The following ELFN1 variants were observed in gnomAD, a reference collection of about 807,000 sequenced individuals.
ELFN1 encodes the protein protein ELFN1.
Under a neutral mutation model 7.6 loss-of-function variants are expected in ELFN1, and 6 were observed. The observed-to-expected ratio is 0.79, with a 90% confidence interval of 0.43 to 1.56. The LOEUF is 1.56. Ranked by LOEUF, ELFN1 falls within the 40% of genes most tolerant of loss-of-function variation. The pLI is 0.01. For missense variants in ELFN1, 1,169 were observed against 1,232.2 expected, an observed-to-expected ratio of 0.95 and a Z score of 0.77; for synonymous variants, 657 against 588.1, an observed-to-expected ratio of 1.12 and a Z score of -1.70.
At chr7:1,682,355 A>C (rs1332911202) in intron 1 of ELFN1, among the ~76,000 whole-genome samples, 1 of 152,166 alleles carries the variant, frequency 6.6e-6, no homozygotes, top group Admixed American at 6.5e-5. Flanking sequence ...TCTGCACTAC[A>C]TCTTATTGGA....
chr7:1,696,797 C>A (rs555297697), intron 2 of ELFN1, among the ~76,000 whole-genome samples: 4 of 152,232 alleles, frequency 2.6e-5, no homozygotes, highest in Admixed American at 1.3e-4. Context: ...CCGCTGCCTC[C>A]TCTCATCAGC....
intron 3 of ELFN1, among the ~76,000 whole-genome samples, chr7:1,725,958 C>T (rs1229117829): frequency 7.0e-6 from 1 of 143,478 alleles, no homozygotes; most frequent in Non-Finnish European, 1.5e-5. Context: ...GCACAAAAGT[C>T]ACACAATACA....
intron 1 of ELFN1, among the ~76,000 whole-genome samples, chr7:1,683,737 A>G (rs1008787052): frequency 1.3e-5 from 2 of 152,146 alleles, no homozygotes; most frequent in Non-Finnish European, 2.9e-5. Flanking sequence ...TGTTATGAGG[A>G]TATTTATTTA....
rs543684930 is a variant in ELFN1 at position 1,720,821 on chromosome 7, C to T, written c.-294+11569C>T. 7.7e-5 allele frequency among the ~76,000 whole-genome samples: 11 copies of T among 143,550 alleles called. No homozygotes were observed. In the South Asian group the frequency reaches 1.3e-3, roughly 18 times the overall value. 94.2% of individuals were successfully genotyped at this position (143,550 alleles called of 152,430 possible). ...GTAACATAGAACATCACTGTATTATCGTCTGAAGTAACGATTACTAAATAG... is the reference window on the plus strand; with the variant it reads ...GTAACATAGAACATCACTGTATTATTGTCTGAAGTAACGATTACTAAATAG... On this transcript the variant is annotated intron_variant, in intron 3 of 3. Transcript: ENST00000424383.
intron 2 of ELFN1, among the ~76,000 whole-genome samples, chr7:1,704,092 GC>G (rs1779481741): frequency 6.6e-6 from 1 of 152,228 alleles, no homozygotes; most frequent in African/African-American, 2.4e-5. Flanking sequence ...GGATGGTTCT[GC>G]AAGTCAGCCC....
intron 2 of ELFN1, among the ~76,000 whole-genome samples, chr7:1,703,346 T>G (rs1471262500): frequency 6.6e-6 from 1 of 152,238 alleles, no homozygotes; most frequent in Non-Finnish European, 1.5e-5. Context: ...GCTTTTAATT[T>G]GGGTTACTTT....
Position 1,746,498 on chromosome 7 carries a change from G to A in ELFN1, c.1902G>A (p.Gly634=). The A allele has an allele frequency of 2.0e-6, 3 of 1,490,516 alleles. No homozygotes were observed. The highest frequency in any genetic ancestry group is 1.3e-5 in the South Asian group (1 of 77,744). The allele number at this position is 1,490,516 out of a possible 1,614,324, so 92.3% of individuals were successfully genotyped here. The change falls in exon 4 of 4, where the codon GGG becomes GGA. Residue 634 remains glycine, a synonymous_variant. Coordinates refer to ENST00000424383, the MANE Select transcript of ELFN1 (RefSeq NM_001128636.4). The part of the protein sequence containing the change: ...LQRHHSVEAA[G]PPRASTSSSG... ...GGCACCACAGCGTGGAGGCCGCCGG[G>A]CCCCCTCGTGCCAGCACCTCGTCCA...
At chr7:1,681,552 C>A (rs1462864558) in intron 1 of ELFN1, among the ~76,000 whole-genome samples, 1 of 152,156 alleles carries the variant, frequency 6.6e-6, no homozygotes, top group Non-Finnish European at 1.5e-5. Context: ...TTAGTAGAGA[C>A]TGGGTCTCGC....
chr7:1,700,746 C>T lies in ELFN1; in HGVS notation c.-455-8345C>T, dbSNP rs528725011. Among the ~76,000 whole-genome samples the T allele has an allele frequency of 5.9e-5, 9 of 152,338 alleles. No individual in the cohort carries two copies. The South Asian group carries it at 1.7e-3, about 28-fold the overall frequency. On this transcript the variant is annotated intron_variant, in intron 2 of 3. Coordinates refer to ENST00000424383, the MANE Select transcript of ELFN1 (RefSeq NM_001128636.4). ...ACAGCGGACGAGAGTTCCCGTTGCT[C>T]CACATCCTCCTTCCCCAGCGCCAGA... is the stretch of plus-strand genomic sequence containing the variant.
Position 1,695,139 on chromosome 7 carries a change from G to T in ELFN1, c.-456+6989G>T, listed in dbSNP as rs1779273963. Among the ~76,000 whole-genome samples the T allele has an allele frequency of 6.6e-6, 1 of 152,240 alleles. No homozygotes were observed. The highest frequency in any genetic ancestry group is 6.5e-5 in the Admixed American group (1 of 15,288). ...GGCCGACAGGCACATGGTGGGACCT[G>T]CTCTGTGGCTCCAGAGCTCATGCGC... On this transcript the variant is annotated intron_variant, in intron 2 of 3. Transcript: ENST00000424383. The surrounding 1 kb of genome is among the most constrained non-coding windows in gnomAD (Gnocchi z 5.1).
At chr7:1,734,451 G>T (rs1369128058) in intron 3 of ELFN1, among the ~76,000 whole-genome samples, 2 of 152,222 alleles carry the variant, frequency 1.3e-5, no homozygotes, top group Admixed American at 1.3e-4. Flanking sequence ...AGCAGCCCGG[G>T]GCTGCGAGCC....
Position 1,745,570 on chromosome 7 carries a change from C to G in ELFN1, c.974C>G (p.Thr325Ser). ...CCCCTCATCAAGGTCAAGCAGCTCA[C>G]TCAGAACTCGGCCACCATCACCGTC... ...ARPLIKVKQL[T>S]QNSATITVQL... is the part of the protein sequence containing the mutation. Residue 325 changes from threonine to serine, a missense_variant, in exon 4 of 4, where the codon ACT becomes AGT. Physicochemically the swap from Thr to Ser is moderately conservative, Grantham distance 58 (BLOSUM62 1). Transcript: ENST00000424383. 1 of 1,550,512 alleles carries G rather than the reference C, an allele frequency of 6.4e-7. No homozygotes were observed. Among genetic ancestry groups the G allele is most frequent in the Non-Finnish European group, 8.7e-7 (1 of 1,146,950 alleles).
upstream of ELFN1, among the ~76,000 whole-genome samples, chr7:1,667,845 C>T (rs1355179991): frequency 1.3e-5 from 2 of 151,816 alleles, no homozygotes; most frequent in Non-Finnish European, 2.9e-5. This position sits in a 1 kb window ranked among gnomAD's most constrained non-coding sequence, Gnocchi z 8.2. Context: ...GTCCTCGCGG[C>T]GGCGGCGCCG....
At position 1,745,880 on chromosome 7, in the gene ELFN1, C is replaced by G. The variant is rs746891715; in HGVS notation, c.1284C>G (p.Gly428=). The G allele has an allele frequency of 4.4e-6, 7 of 1,592,472 alleles. No individual in the cohort carries two copies. Among genetic ancestry groups the G allele is most frequent in the Non-Finnish European group, 6.0e-6 (7 of 1,170,858 alleles). ...YIMTILGCLF[G]MVLVLGAVYY... The stretch of plus-strand genomic sequence containing the variant: ...TGACCATCCTGGGCTGCCTCTTCGG[C>G]ATGGTGCTGGTGCTGGGCGCCGTCT... The change falls in exon 4 of 4, where the codon GGC becomes GGG. Residue 428 remains glycine, a synonymous_variant. Transcript: ENST00000424383.
At chr7:1,721,279 G>T (rs1487993346) in intron 3 of ELFN1, among the ~76,000 whole-genome samples, 1 of 152,174 alleles carries the variant, frequency 6.6e-6, no homozygotes, top group East Asian at 1.9e-4. Context: ...GAGCTACAGG[G>T]GTGTCACCTT....
At chr7:1,690,721 A>T (rs1779144432) in intron 2 of ELFN1, among the ~76,000 whole-genome samples, 1 of 142,192 alleles carries the variant, frequency 7.0e-6, no homozygotes. Context: ...GGATGGATGG[A>T]TGGGCGGGTG....
At chr7:1,701,803 A>G (rs544392259) in intron 2 of ELFN1, among the ~76,000 whole-genome samples, 2 of 152,308 alleles carry the variant, frequency 1.3e-5, no homozygotes, top group African/African-American at 4.8e-5. Flanking sequence ...ACCCTATCTC[A>G]ATCCACAAAT....
intron 3 of ELFN1, among the ~76,000 whole-genome samples, chr7:1,721,734 A>AC (rs1215223549): frequency 6.6e-6 from 1 of 152,062 alleles, no homozygotes; most frequent in Non-Finnish European, 1.5e-5. Flanking sequence ...TGCACCCAAA[A>AC]CCATCGCTCA....
chr7:1,676,041 C>T (rs1778863750), intron 1 of ELFN1, among the ~76,000 whole-genome samples: 1 of 152,310 alleles, frequency 6.6e-6, no homozygotes, highest in African/African-American at 2.4e-5. Context: ...AGGGAGGCTG[C>T]CTGGGAGGGG....
Sources: gnomAD v4.1 joint callset for allele counts (sites outside exome capture counted in the v4.1 genomes callset) on GRCh38, gnomAD v4.1.1 for gene constraint, Gnocchi (gnomAD v3.1) non-coding constraint, MANE v1.5 for transcripts, NCBI Gene and HGNC (gene_info 2026-07-23, HGNC 2026-07-21) for gene names.